The following TSG101 variants were observed in gnomAD, a reference collection of about 807,000 sequenced individuals.
The protein encoded by TSG101 is tumor susceptibility 101.
A neutral mutation model predicts 48.5 loss-of-function variants in TSG101; 19 were observed. The observed-to-expected ratio is 0.39, with a 90% CI of 0.27 to 0.58. TSG101 has a LOEUF of 0.58. Ranked by LOEUF, TSG101 falls within the 20% of genes least tolerant of loss-of-function variation. The pLI is 0.55. For missense variants in TSG101, 365 were observed against 484.4 expected, an observed-to-expected ratio of 0.75 and a Z score of 2.31; for synonymous variants, 174 against 169.4, an observed-to-expected ratio of 1.03 and a Z score of -0.21.
intron 8 of TSG101, among the ~76,000 whole-genome samples, 184 bp from the exon 9 acceptor site, chr11:18,482,053 GA>G (rs1849549255): frequency 1.3e-5 from 2 of 152,204 alleles, no homozygotes; most frequent in Non-Finnish European, 2.9e-5. Context: ...TATGCTGAGT[GA>G]AATAGAGTAA....
chr11:18,486,240 ACCAGCGGGTAAG>A (rs1392063854), intron 7 of TSG101, among the ~76,000 whole-genome samples: 2 of 152,226 alleles, frequency 1.3e-5, no homozygotes, highest in African/African-American at 2.4e-5. Flanking sequence ...GAACTCGGGA[ACCAGCGGGTAAG>A]CCAGACTCGG....
rs1262394500 is a variant in TSG101 at position 18,483,970 on chromosome 11, C to T, written c.743G>A (p.Arg248His). The change falls in exon 8 of 10, where the codon CGT becomes CAT. Residue 248 changes from arginine to histidine, a missense_variant. Transcript: ENST00000251968. Reference protein sequence around the residue: ...LRWRMKEEMDRAQAELNALKR... With the variant: ...LRWRMKEEMDHAQAELNALKR... ...CAAGGCATTGAGCTCTGCCTGGGCA[C>T]GATCCATTTCCTCCTTCATCCGCCA... 1.2e-6 allele frequency: 2 copies of T among 1,614,204 alleles called. No individual in the cohort carries two copies. The highest frequency in any genetic ancestry group is 1.7e-6 in the Non-Finnish European group (2 of 1,180,046).
At chr11:18,507,803 A>C (rs908409196) in intron 5 of TSG101, 1 of 152,172 alleles carries the variant, frequency 6.6e-6, no homozygotes, top group African/African-American at 2.4e-5. Flanking sequence ...TTTAGGAAAA[A>C]AAAAATGTTG....
chr11:18,485,221 C>T lies in TSG101; in HGVS notation c.641-1149G>A, dbSNP rs560996814. ...AACAAAAAAGTTTAATGCTCTCGAA[C>T]ATCAGATCCCATCTTCTCTCTACCA... On this transcript the variant is annotated intron_variant, in intron 7 of 9. Coordinates refer to ENST00000251968, the MANE Select transcript of TSG101 (RefSeq NM_006292.4). Among the ~76,000 whole-genome samples, 198 of 152,288 alleles carry T rather than the reference C, an allele frequency of 1.3e-3. 1 individual carries two copies. The highest frequency in any genetic ancestry group is 4.5e-3 in the African/African-American group (188 of 41,560).
In TSG101 at chr11:18,526,931, C is replaced by A; in HGVS notation, c.-115G>T. Reference sequence around the variant, plus strand: ...AACCCGGCCTCAAACAACAGGAAGTCGGCACCACTACACCACTTCCGCTTC... The same window carrying A: ...AACCCGGCCTCAAACAACAGGAAGTAGGCACCACTACACCACTTCCGCTTC... On this transcript the variant is annotated 5_prime_UTR_variant, in exon 1 of 10. Transcript: ENST00000251968. 4 of 1,151,488 alleles carry A rather than the reference C, an allele frequency of 3.5e-6. No homozygotes were observed. In the South Asian group the frequency reaches 5.6e-5, roughly 16 times the overall value. The allele number at this position is 1,151,488 out of a possible 1,614,324, so 71.3% of individuals were successfully genotyped here. A position where few individuals can be genotyped will look rare whatever the true frequency, so the allele number is the denominator to read the frequency against.
At position 18,480,379 on chromosome 11, in the gene TSG101, A is replaced by G. The variant is rs548246404; in HGVS notation, c.*167T>C. 1.9e-5 allele frequency: 10 copies of G among 514,394 alleles called. 1 individual carries two copies. Among genetic ancestry groups the G allele is most frequent in the South Asian group, 1.6e-4 (5 of 31,142 alleles). The allele number at this position is 514,394 out of a possible 1,614,324, so 31.9% of individuals were successfully genotyped here. A position where few individuals can be genotyped will look rare whatever the true frequency, so the allele number is the denominator to read the frequency against. On this transcript the variant is annotated 3_prime_UTR_variant, in exon 10 of 10. Coordinates refer to ENST00000251968, the MANE Select transcript of TSG101 (RefSeq NM_006292.4). ...AAAGTTTACAGAGGATAGAAAGTGC[A>G]TTAATAAAAGCCAGTCTTTACCAAA... is the stretch of plus-strand genomic sequence containing the variant.
chr11:18,523,232 T>C (rs1351700988), intron 1 of TSG101, among the ~76,000 whole-genome samples: 1 of 152,124 alleles, frequency 6.6e-6, no homozygotes, highest in Non-Finnish European at 1.5e-5. Flanking sequence ...CTCAAGTAGA[T>C]TTTTTCAGAA....
At position 18,514,732 on chromosome 11, in the gene TSG101, C is replaced by T. The variant is rs1371756795; in HGVS notation, c.303G>A (p.Lys101=). ...ATATCTTCCCATTTGCATCAACATG[C>T]TTTCCTGTTTTAATAGTCATTGAAC... is the stretch of plus-strand genomic sequence containing the variant. ...PTSSMTIKTG[K]HVDANGKIYL... is the part of the protein sequence containing the mutation. Residue 101 remains lysine, a synonymous_variant, in exon 4 of 10, where the codon AAG becomes AAA. Coordinates refer to ENST00000251968, the MANE Select transcript of TSG101 (RefSeq NM_006292.4). 1.3e-6 allele frequency: 2 copies of T among 1,592,920 alleles called. No homozygotes were observed. The highest frequency in any genetic ancestry group is 1.7e-6 in the Non-Finnish European group (2 of 1,173,390).
At chr11:18,517,421 T>C (rs1177974527) in intron 2 of TSG101, among the ~76,000 whole-genome samples, 1 of 152,232 alleles carries the variant, frequency 6.6e-6, no homozygotes, top group African/African-American at 2.4e-5. Context: ...ACAGCTATTA[T>C]TTCTAACAAT....
chr11:18,495,774 T>C (rs1012019738), intron 7 of TSG101, among the ~76,000 whole-genome samples: 1 of 151,740 alleles, frequency 6.6e-6, no homozygotes, highest in East Asian at 1.9e-4. Context: ...TAAACTGAGG[T>C]TGAAGATGTC....
At chr11:18,513,944 T>C (rs1478674607) in intron 4 of TSG101, among the ~76,000 whole-genome samples, 6 of 152,062 alleles carry the variant, frequency 3.9e-5, no homozygotes, top group Non-Finnish European at 8.8e-5. Context: ...TTGTATTTGG[T>C]GGTGGGCGCC....
rs1438083380 is a variant in TSG101, at chr11:18,480,643, G to C, written c.1084-8C>G. On this transcript the variant is annotated splice_region_variant and splice_polypyrimidine_tract_variant and intron_variant, in intron 9 of 9. Transcript: ENST00000251968. ...GGACAGAAGACGTACATGCTGGGAGGGGAGAAAAGTTTGAATAGTTTAGAA... is the reference window on the plus strand; with the variant it reads ...GGACAGAAGACGTACATGCTGGGAGCGGAGAAAAGTTTGAATAGTTTAGAA... 6.2e-7 allele frequency: 1 copy of C among 1,612,700 alleles called. No individual in the cohort carries two copies. The highest frequency in any genetic ancestry group is 1.7e-5 in the Admixed American group (1 of 59,848).
intron 2 of TSG101, among the ~76,000 whole-genome samples, chr11:18,516,716 T>C (rs12283473): frequency 0.88 from 134,182 of 151,740 alleles, 59,347 homozygotes; most frequent in East Asian, 0.93. Flanking sequence ...CCGAGGCAGG[T>C]GGATCACCTG....
At position 18,518,674 on chromosome 11, in the gene TSG101, G is replaced by A. The variant is rs143543783; in HGVS notation, c.127+845C>T. On this transcript the variant is annotated intron_variant, in intron 2 of 9. Coordinates refer to ENST00000251968, the MANE Select transcript of TSG101 (RefSeq NM_006292.4). ...AAGGGACAGTCCAGAGTATAGTTTC[G>A]CAAAATGTGTTCCTGAAAATATAAA... Among the ~76,000 whole-genome samples the A allele has an allele frequency of 1.4e-3, 217 of 151,950 alleles. 1 individual carries two copies. The highest frequency in any genetic ancestry group is 4.7e-3 in the African/African-American group (193 of 41,464).
chr11:18,494,349 G>A (rs944139062), intron 7 of TSG101, among the ~76,000 whole-genome samples: 3 of 151,996 alleles, frequency 2.0e-5, no homozygotes, highest in African/African-American at 4.8e-5. Context: ...TAAAATTAAC[G>A]TTTTGTGAAA....
intron 7 of TSG101, among the ~76,000 whole-genome samples, chr11:18,495,636 T>G (rs533920376): frequency 3.3e-5 from 5 of 151,798 alleles, no homozygotes; most frequent in Admixed American, 2.6e-4. Context: ...AGAATCTTTG[T>G]GTTAAGTTTC....
intron 7 of TSG101, among the ~76,000 whole-genome samples, chr11:18,502,225 T>A (rs1849900236): frequency 6.6e-6 from 1 of 152,232 alleles, no homozygotes; most frequent in Non-Finnish European, 1.5e-5. Flanking sequence ...CTGCTAATAG[T>A]TCAACACATG....
At chr11:18,491,974 C>T (rs980550010) in intron 7 of TSG101, among the ~76,000 whole-genome samples, 1 of 152,134 alleles carries the variant, frequency 6.6e-6, no homozygotes, top group Non-Finnish European at 1.5e-5. Context: ...AGAATTTAGA[C>T]CGAATAAAAA....
At chr11:18,509,463 T>C (rs891395739) in intron 5 of TSG101, 79 bp downstream of exon 5, 1 of 1,510,910 alleles carries the variant, frequency 6.6e-7, no homozygotes, top group Non-Finnish European at 8.9e-7. Flanking sequence ...GAAGTCATTA[T>C]TTTTCTTTAT....
Sources: gnomAD v4.1 joint callset for allele counts (sites outside exome capture counted in the v4.1 genomes callset) on GRCh38, gnomAD v4.1.1 for gene constraint, MANE v1.5 for transcripts, NCBI Gene and HGNC (gene_info 2026-07-23, HGNC 2026-07-21) for gene names.